Variants in XXYLT1 observed in about 807,000 individuals in gnomAD.
XXYLT1 encodes the protein xyloside xylosyltransferase 1.
In XXYLT1, 20 loss-of-function variants were observed where a neutral mutation model predicts 28.9. The ratio of observed to expected loss-of-function variants is 0.69; its 90% CI spans 0.49 to 1.00. XXYLT1 has a LOEUF of 1.00. Ranked by LOEUF, XXYLT1 falls within the 50% of genes least tolerant of loss-of-function variation. The pLI is 0.00. For synonymous variants in XXYLT1, 257 were observed against 253.8 expected (o/e 1.01, Z -0.12); for missense variants, 542 against 560.1 (o/e 0.97, Z 0.33).
At chr3:195,140,848 G>C (rs1015057607) in intron 3 of XXYLT1, among the ~76,000 whole-genome samples, 1 of 152,146 alleles carries the variant, frequency 6.6e-6, no homozygotes, top group Non-Finnish European at 1.5e-5. Context: ...TGAGATTTGG[G>C]TGGGGACACA....
intron 2 of XXYLT1, among the ~76,000 whole-genome samples, chr3:195,156,782 C>T (rs1366531189): frequency 6.6e-6 from 1 of 152,230 alleles, no homozygotes; most frequent in African/African-American, 2.4e-5. Flanking sequence ...CAAACGACTA[C>T]CCGTGTCTTT....
chr3:195,191,803 C>T lies in XXYLT1; in HGVS notation c.652+34906G>A, dbSNP rs184403539. ...TAAAATTATAAAAGGGCCAATACATCAAGAAGATTTAAGAATTACATATGC... is the reference window on the plus strand; with the variant it reads ...TAAAATTATAAAAGGGCCAATACATTAAGAAGATTTAAGAATTACATATGC... On this transcript the variant is annotated intron_variant, in intron 2 of 3. Transcript: ENST00000310380. Among the ~76,000 whole-genome samples the T allele has an allele frequency of 5.9e-5, 9 of 152,270 alleles. No homozygotes were observed. In the East Asian group the frequency reaches 1.7e-3, roughly 29 times the overall value.
At chr3:195,099,937 G>A (rs894067858) in intron 3 of XXYLT1, among the ~76,000 whole-genome samples, 3 of 151,886 alleles carry the variant, frequency 2.0e-5, no homozygotes, top group African/African-American at 7.3e-5. Flanking sequence ...CAATAATTGG[G>A]ATCTGTTTCT....
intron 3 of XXYLT1, among the ~76,000 whole-genome samples, chr3:195,151,206 G>C (rs1460453188): frequency 6.6e-6 from 1 of 152,196 alleles, no homozygotes; most frequent in African/African-American, 2.4e-5. Context: ...CGTGGGTAGA[G>C]GTGGGCAGCC....
chr3:195,248,046 C>T (rs1035644771), intron 1 of XXYLT1: 5 of 524,144 alleles, frequency 9.5e-6, no homozygotes, highest in South Asian at 4.8e-5. Flanking sequence ...CCTTATCAGC[C>T]ACTTTCCAAG....
At position 195,235,049 on chromosome 3, in the gene XXYLT1, T is replaced by A. The variant is rs116581209; in HGVS notation, c.505-8193A>T. Among the ~76,000 whole-genome samples, 1,086 of 151,996 alleles carry A rather than the reference T, an allele frequency of 7.1e-3. 15 individuals carry two copies. The highest frequency in any genetic ancestry group is 0.025 in the African/African-American group (1,050 of 41,448). On this transcript the variant is annotated intron_variant, in intron 1 of 3. Coordinates refer to ENST00000310380, the MANE Select transcript of XXYLT1 (RefSeq NM_152531.5). ...TCTCGTAGGCAAGCTTCATTCTTTTTTACTCTTTCTTTTGTCTCCTCTGAC... is the reference window on the plus strand; with the variant it reads ...TCTCGTAGGCAAGCTTCATTCTTTTATACTCTTTCTTTTGTCTCCTCTGAC...
chr3:195,117,452 C>T (rs191824132), intron 3 of XXYLT1, among the ~76,000 whole-genome samples: 14 of 152,294 alleles, frequency 9.2e-5, no homozygotes, highest in African/African-American at 3.4e-4. Flanking sequence ...AAATTTGATT[C>T]ATATGATCTC....
intron 2 of XXYLT1, among the ~76,000 whole-genome samples, chr3:195,200,602 A>G (rs729820): frequency 0.083 from 12,630 of 152,248 alleles, 809 homozygotes; most frequent in East Asian, 0.28. Flanking sequence ...ACTGACCTAC[A>G]ATCGGTTGAC....
At position 195,129,677 on chromosome 3, in the gene XXYLT1, T is replaced by TC. The variant is rs1718805949; in HGVS notation, c.785+26771_785+26772insG. Among the ~76,000 whole-genome samples, 1 of 152,232 alleles carries TC rather than the reference T, an allele frequency of 6.6e-6. No homozygotes were observed. Among genetic ancestry groups the TC allele is most frequent in the Admixed American group, 6.5e-5 (1 of 15,280 alleles). On this transcript the variant is annotated intron_variant, in intron 3 of 3. Transcript: ENST00000310380. The surrounding 1 kb of genome is among the most constrained non-coding windows in gnomAD (Gnocchi z 4.4). Reference sequence around the variant, plus strand: ...CTATTATGAATAATGCTGATATGAATGTTCATTTGCATGTTAGTGTGCGGG... The same window carrying TC: ...CTATTATGAATAATGCTGATATGAATCGTTCATTTGCATGTTAGTGTGCGGG...
At chr3:195,222,039 A>AG (rs1723849606) in intron 2 of XXYLT1, among the ~76,000 whole-genome samples, 1 of 152,172 alleles carries the variant, frequency 6.6e-6, no homozygotes, top group South Asian at 2.1e-4. Flanking sequence ...TCCTGCTCCA[A>AG]GGGGGCGATC....
chr3:195,197,175 G>A (rs760111110), intron 2 of XXYLT1, among the ~76,000 whole-genome samples: 4 of 152,152 alleles, frequency 2.6e-5, no homozygotes, highest in African/African-American at 2.4e-5. Context: ...AGTGGCTCAC[G>A]CCTGTAATCC....
intron 1 of XXYLT1, among the ~76,000 whole-genome samples, chr3:195,242,037 T>C (rs1724799217): frequency 6.6e-6 from 1 of 152,222 alleles, no homozygotes; most frequent in Non-Finnish European, 1.5e-5. Context: ...CATTGCTGCA[T>C]ATCCAGCTCT....
chr3:195,145,908 T>C (rs1048331186), intron 3 of XXYLT1, among the ~76,000 whole-genome samples: 2 of 152,194 alleles, frequency 1.3e-5, no homozygotes, highest in African/African-American at 2.4e-5. Flanking sequence ...TCTGCTACCA[T>C]GAAATAGAAG....
chr3:195,262,594 G>T (rs1480618106), intron 1 of XXYLT1, among the ~76,000 whole-genome samples: 1 of 152,190 alleles, frequency 6.6e-6, no homozygotes, highest in East Asian at 1.9e-4. Context: ...CCCAAAGCTG[G>T]AGCAGTTAAT....
At chr3:195,169,301 C>T (rs1721280057) in intron 2 of XXYLT1, among the ~76,000 whole-genome samples, 1 of 152,254 alleles carries the variant, frequency 6.6e-6, no homozygotes, top group African/African-American at 2.4e-5. Flanking sequence ...GGTGAGTGTT[C>T]CAGGAGACCC....
At chr3:195,206,021 ATTTT>A (rs777561871) in intron 2 of XXYLT1, among the ~76,000 whole-genome samples, 13 of 125,410 alleles carry the variant, frequency 1.0e-4, no homozygotes, top group African/African-American at 2.9e-4. Context: ...TTAAAGTTTA[ATTTT>A]TTTTTTTTTT....
intron 2 of XXYLT1, among the ~76,000 whole-genome samples, chr3:195,197,258 G>A (rs6771576): frequency 0.051 from 7,760 of 152,084 alleles, 590 homozygotes; most frequent in African/African-American, 0.18. Flanking sequence ...CCAACAAGGC[G>A]AAACCTCGTC....
chr3:195,153,940 G>A (rs1212085966), intron 3 of XXYLT1: 3 of 152,294 alleles, frequency 2.0e-5, no homozygotes, highest in African/African-American at 4.8e-5. Flanking sequence ...CCGAAGGGCT[G>A]TAACCCCCAA....
At chr3:195,219,400 T>G (rs533259322) in intron 2 of XXYLT1, among the ~76,000 whole-genome samples, 52 of 152,220 alleles carry the variant, frequency 3.4e-4, no homozygotes, top group African/African-American at 1.2e-3. Context: ...CAAATTTTAC[T>G]TAAGGAAAAA....
Sources: gnomAD v4.1 joint callset for allele counts (sites outside exome capture counted in the v4.1 genomes callset) on GRCh38, gnomAD v4.1.1 for gene constraint, Gnocchi (gnomAD v3.1) non-coding constraint, MANE v1.5 for transcripts, NCBI Gene and HGNC (gene_info 2026-07-23, HGNC 2026-07-21) for gene names.